ABHD11: variants seen among roughly 807,000 people sequenced by gnomAD.
ABHD11 encodes the protein abhydrolase domain containing 11.
In ABHD11, 26 loss-of-function variants were observed where a neutral mutation model predicts 29.0. The ratio of observed to expected loss-of-function variants is 0.90; its 90% CI spans 0.66 to 1.24. The LOEUF is 1.24. Among genes scored for constraint, ABHD11 ranks in the 50% most tolerant of loss-of-function variants. The pLI, the probability that ABHD11 is intolerant of heterozygous loss-of-function variation, is 0.00. For synonymous variants in ABHD11, 169 were observed against 166.4 expected (o/e 1.02, Z -0.12); for missense variants, 381 against 422.4 (o/e 0.90, Z 0.86).
chr7:73,736,439 C>T lies in ABHD11; in HGVS notation c.*120G>A. On this transcript the variant is annotated 3_prime_UTR_variant, in exon 6 of 6. Transcript: ENST00000222800. The stretch of plus-strand genomic sequence containing the variant: ...ATTTTTAGTAGAGACAGGGTTTCAC[C>T]ATGTTGGCCAGGCTGGTCTCCAACT... 1.5e-6 allele frequency: 2 copies of T among 1,346,756 alleles called. No individual in the cohort carries two copies. The highest frequency in any genetic ancestry group is 2.0e-6 in the Non-Finnish European group (2 of 978,638). The allele number at this position is 1,346,756 out of a possible 1,614,324, so 83.4% of individuals were successfully genotyped here.
rs782436764 is a variant in ABHD11, at chr7:73,736,173, T to G, written c.*386A>C. ...ACCTCGTGCCCACACAGTGCCTGTCTGAGTCCTTCTGTGCCCAAATGTGGA... is the reference window on the plus strand; with the variant it reads ...ACCTCGTGCCCACACAGTGCCTGTCGGAGTCCTTCTGTGCCCAAATGTGGA... On this transcript the variant is annotated 3_prime_UTR_variant, in exon 6 of 6. Coordinates refer to ENST00000222800, the MANE Select transcript of ABHD11 (RefSeq NM_148912.4). The G allele has an allele frequency of 1.5e-5, 7 of 458,916 alleles. No individual in the cohort carries two copies. Among genetic ancestry groups the G allele is most frequent in the South Asian group, 1.1e-4 (7 of 64,600 alleles). The allele number at this position is 458,916 out of a possible 1,614,324, so 28.4% of individuals were successfully genotyped here.
At chr7:73,736,880 G>A in intron 5 of ABHD11, 49 bp downstream of exon 5, 2 of 1,592,196 alleles carry the variant, frequency 1.3e-6, no homozygotes, top group South Asian at 1.1e-5. Context: ...CCCCAGGCTG[G>A]GGCCTGGGCG....
rs782043473 is a variant in ABHD11 at position 73,736,959 on chromosome 7, AAG to A, written c.756_757del (p.Phe253SerfsTer16). On this transcript the variant is annotated frameshift_variant, in exon 5 of 6. Coordinates refer to ENST00000222800, the MANE Select transcript of ABHD11 (RefSeq NM_148912.4). LOFTEE classifies it high-confidence loss of function. ...GAACTGGGAGTTTCCACCAAGGAGAAAGAGTGTTGGCCCGAGGTAGGACTCCT... is the reference window on the plus strand; with the variant it reads ...GAACTGGGAGTTTCCACCAAGGAGAAAGTGTTGGCCCGAGGTAGGACTCCT... The A allele has an allele frequency of 4.3e-6, 7 of 1,613,784 alleles. No homozygotes were observed. Among genetic ancestry groups the A allele is most frequent in the South Asian group, 1.1e-5 (1 of 91,082 alleles).
At chr7:73,737,896 A>C in intron 2 of ABHD11, 161 bp from the exon 3 acceptor site, 1 of 1,082,252 alleles carries the variant, frequency 9.2e-7, no homozygotes. Flanking sequence ...CAGATGAAGA[A>C]CCTGGGGCCA....
Position 73,737,714 on chromosome 7 carries a change from T to C in ABHD11, c.283A>G (p.Asn95Asp). 1.2e-6 allele frequency: 2 copies of C among 1,612,586 alleles called. No homozygotes were observed. Among genetic ancestry groups the C allele is most frequent in the African/African-American group, 1.3e-5 (1 of 75,002 alleles). Residue 95 changes from asparagine (N) to aspartate (D), a missense_variant, in exon 3 of 6, where the codon AAC (asparagine) becomes GAC (aspartate). Physicochemically the swap from Asn to Asp is conservative, Grantham distance 23 (BLOSUM62 1). Transcript: ENST00000222800. Reference sequence around the variant, plus strand: ...GGGCTGTGGGGGCTGTCACCGTGGTTACGAGCATCCACCGTCAGCACCTGG... The same window carrying C: ...GGGCTGTGGGGGCTGTCACCGTGGTCACGAGCATCCACCGTCAGCACCTGG... ...GRRVLTVDAR[N>D]HGDSPHSPDM...
Position 73,736,913 on chromosome 7 carries a change from A to G in ABHD11, c.788+16T>C. The G allele has an allele frequency of 6.2e-7, 1 of 1,610,792 alleles. No individual in the cohort carries two copies. The highest frequency in any genetic ancestry group is 8.5e-7 in the Non-Finnish European group (1 of 1,178,922). On this transcript the variant is annotated intron_variant, in intron 5 of 5. Coordinates refer to ENST00000222800, the MANE Select transcript of ABHD11 (RefSeq NM_148912.4). Reference sequence around the variant, plus strand: ...GCGAGTAAAGCATGCCCCTCCTACTACCCAGGCTAGCTTACTGCACGAACT... The same window carrying G: ...GCGAGTAAAGCATGCCCCTCCTACTGCCCAGGCTAGCTTACTGCACGAACT...
rs1554623037 is a variant in ABHD11 at position 73,738,691 on chromosome 7, A to G, written c.80T>C (p.Val27Ala). 3 of 1,604,498 alleles carry G rather than the reference A, an allele frequency of 1.9e-6. No individual in the cohort carries two copies. The highest frequency in any genetic ancestry group is 2.5e-6 in the Non-Finnish European group (3 of 1,176,826). The part of the protein sequence containing the change: ...PHGPSFARVP[V>A]APSSSSGGRG... ...GCCGCCGCTGCTGCTGCTGGGTGCGACAGGCACCCTCGCGAAGCTAGGGCC... is the reference window on the plus strand; with the variant it reads ...GCCGCCGCTGCTGCTGCTGGGTGCGGCAGGCACCCTCGCGAAGCTAGGGCC... The change falls in exon 1 of 6, where the codon GTC (valine) becomes GCC (alanine). Residue 27 changes from valine (V) to alanine (A), a missense_variant. By Grantham distance (64) the Val-to-Ala change is moderately conservative. Transcript: ENST00000222800.
chr7:73,738,274 G>GCCC, intron 2 of ABHD11, 54 bp downstream of exon 2: 2 of 1,357,198 alleles, frequency 1.5e-6, no homozygotes, highest in Non-Finnish European at 1.0e-6. Flanking sequence ...CTCCTCTCAG[G>GCCC]CCCCGCCCAC....
Position 73,737,249 on chromosome 7 carries a change from G to C in ABHD11, c.578C>G (p.Ala193Gly). 2 of 1,614,082 alleles carry C rather than the reference G, an allele frequency of 1.2e-6. No individual in the cohort carries two copies. Among genetic ancestry groups the C allele is most frequent in the Non-Finnish European group, 1.7e-6 (2 of 1,180,038 alleles). Residue 193 changes from alanine to glycine, a missense_variant, in exon 4 of 6, where the codon GCG (alanine) becomes GGG (glycine). Physicochemically the swap from Ala to Gly is moderately conservative, Grantham distance 60. Coordinates refer to ENST00000222800, the MANE Select transcript of ABHD11 (RefSeq NM_148912.4). The stretch of plus-strand genomic sequence containing the variant: ...GATGACAGAACTGAGCTGTTCATCC[G>C]CCAGTTTTCGGGCACGGGAGCGGGG... ...ELPRSRARKLADEQLSSVIQD... is the reference protein window; with the variant it reads ...ELPRSRARKLGDEQLSSVIQD...
intron 2 of ABHD11, 63 bp downstream of exon 2, chr7:73,738,265 T>G: frequency 8.4e-5 from 105 of 1,255,390 alleles, no homozygotes; most frequent in Non-Finnish European, 1.1e-4. Context: ...CTGCCCCGCC[T>G]CCTCTCAGGC....
In ABHD11 at chr7:73,738,126, C is replaced by T. The variant is rs1198183642; in HGVS notation, c.261+202G>A. ...AAGGGTGCAGGCGCCTAGGCATGGG[C>T]CAGCCCCGATGGAGATCTACAACAT... On this transcript the variant is annotated intron_variant, in intron 2 of 5. Coordinates refer to ENST00000222800, the MANE Select transcript of ABHD11 (RefSeq NM_148912.4). The T allele has an allele frequency of 7.9e-6, 8 of 1,013,304 alleles. No homozygotes were observed. The African/African-American group carries it at 9.6e-5, about 12-fold the overall frequency. The allele number at this position is 1,013,304 out of a possible 1,614,324, so 62.8% of individuals were successfully genotyped here. A position where few individuals can be genotyped will look rare whatever the true frequency, so the allele number is the denominator to read the frequency against.
chr7:73,738,507 C>T (rs373394750), intron 1 of ABHD11, 44 bp from the exon 2 acceptor site: 3 of 1,589,302 alleles, frequency 1.9e-6, no homozygotes, highest in East Asian at 2.3e-5. Context: ...CCGGCGGAGA[C>T]GGGGAAAGGG....
rs985852514 is a variant in ABHD11 at position 73,737,922 on chromosome 7, G to T, written c.262-187C>A. 7.7e-5 allele frequency: 74 copies of T among 959,354 alleles called. No homozygotes were observed. In the Admixed American group the frequency reaches 1.6e-3, roughly 21 times the overall value. 59.4% of individuals were successfully genotyped at this position (959,354 alleles called of 1,614,324 possible). A position where few individuals can be genotyped will look rare whatever the true frequency, so the allele number is the denominator to read the frequency against. The stretch of plus-strand genomic sequence containing the variant: ...CCTGGGGCCACTCTGCCAGAGAAGA[G>T]CAGGCCCCAGGGTTGTGACCACGTC... On this transcript the variant is annotated intron_variant, in intron 2 of 5. Coordinates refer to ENST00000222800, the MANE Select transcript of ABHD11 (RefSeq NM_148912.4).
Position 73,736,591 on chromosome 7 carries a change from A to G in ABHD11, c.889T>C (p.Phe297Leu). ...HWIHADRPQD[F>L]IAAIRGFLV The stretch of plus-strand genomic sequence containing the variant: ...AGGAAGCCTCGGATGGCAGCTATGA[A>G]GTCCTGTGGGCGGTCAGCGTGGATC... Residue 297 changes from phenylalanine (F) to leucine (L), a missense_variant, in exon 6 of 6, where the codon TTC becomes CTC. Coordinates refer to ENST00000222800, the MANE Select transcript of ABHD11 (RefSeq NM_148912.4). 6.2e-7 allele frequency: 1 copy of G among 1,614,012 alleles called. No homozygotes were observed. The highest frequency in any genetic ancestry group is 8.5e-7 in the Non-Finnish European group (1 of 1,180,012).
In ABHD11 at chr7:73,738,726, G is replaced by A; in HGVS notation, c.45C>T (p.Leu15=). The change falls in exon 1 of 6, where the codon CTC becomes CTT. Residue 15 remains leucine, a synonymous_variant. Coordinates refer to ENST00000222800, the MANE Select transcript of ABHD11 (RefSeq NM_148912.4). ...TCGCGAAGCTAGGGCCGTGGGGGCC[G>A]AGTCCCTCACGCGGGAGCCTCCAGG... is the stretch of plus-strand genomic sequence containing the variant. ...TRAWRLPREG[L]GPHGPSFARV... is the part of the protein sequence containing the mutation. 6.2e-7 allele frequency: 1 copy of A among 1,609,230 alleles called. No individual in the cohort carries two copies.
At position 73,738,672 on chromosome 7, in the gene ABHD11, G is replaced by C; in HGVS notation, c.99C>G (p.Ser33Arg). Residue 33 changes from serine to arginine, a missense_variant, in exon 1 of 6, where the codon AGC becomes AGG. Coordinates refer to ENST00000222800, the MANE Select transcript of ABHD11 (RefSeq NM_148912.4). ...ARVPVAPSSS[S>R]GGRGGAEPRP... ...TCGGCTCGGCGCCCCCTCGGCCGCCGCTGCTGCTGCTGGGTGCGACAGGCA... is the reference window on the plus strand; with the variant it reads ...TCGGCTCGGCGCCCCCTCGGCCGCCCCTGCTGCTGCTGGGTGCGACAGGCA... The C allele has an allele frequency of 6.3e-7, 1 of 1,596,314 alleles. No individual in the cohort carries two copies. The highest frequency in any genetic ancestry group is 2.3e-5 in the East Asian group (1 of 43,944).
chr7:73,738,103 G>T (rs1554622635), intron 2 of ABHD11: 1 of 844,486 alleles, frequency 1.2e-6, no homozygotes, highest in Non-Finnish European at 2.0e-6. Flanking sequence ...TTCATGGAAA[G>T]GGTGCAGGCG....
Position 73,736,560 on chromosome 7 carries a change from T to C in ABHD11, c.920A>G (p.Ter307=). The C allele has an allele frequency of 6.2e-7, 1 of 1,613,800 alleles. No homozygotes were observed. Among genetic ancestry groups the C allele is most frequent in the Admixed American group, 1.7e-5 (1 of 60,004 alleles). ...CGGCCATCTTCTTGCCAGCAACTCT[T>C]AGACCAGGAAGCCTCGGATGGCAGC... ...FIAAIRGFLV[*] The change falls in exon 6 of 6, where the codon TAA becomes TGA. Residue 307 remains the stop codon, a stop_retained_variant. Transcript: ENST00000222800.
At position 73,737,709 on chromosome 7, in the gene ABHD11, G is replaced by A. The variant is rs1433303647; in HGVS notation, c.288C>T (p.His96=). 8 of 1,612,786 alleles carry A rather than the reference G, an allele frequency of 5.0e-6. No homozygotes were observed. Among genetic ancestry groups the A allele is most frequent in the African/African-American group, 4.0e-5 (3 of 74,902 alleles). The part of the protein sequence containing the change: ...RRVLTVDARN[H]GDSPHSPDMS... The stretch of plus-strand genomic sequence containing the variant: ...TGTCTGGGCTGTGGGGGCTGTCACC[G>A]TGGTTACGAGCATCCACCGTCAGCA... The change falls in exon 3 of 6, where the codon CAC becomes CAT. Residue 96 remains histidine, a synonymous_variant. Transcript: ENST00000222800.
Sources: allele counts gnomAD v4.1 joint callset, GRCh38; gene constraint gnomAD v4.1.1; transcripts MANE v1.5; gene names NCBI Gene and HGNC (gene_info 2026-07-23, HGNC 2026-07-21).